SEZ6L: variants seen among roughly 807,000 people sequenced by gnomAD.
SEZ6L encodes seizure related 6 homolog like.
Under a neutral mutation model 106.2 loss-of-function variants are expected in SEZ6L, and 37 were observed. That is an observed-to-expected ratio of 0.35 (90% confidence interval 0.27 to 0.46). SEZ6L has a LOEUF of 0.46. SEZ6L is among the 20% of genes least tolerant of loss of function. The pLI is 1.00. For missense variants in SEZ6L, 1,172 were observed against 1,332.8 expected (o/e 0.88, Z 1.88); for synonymous variants, 541 against 570.4 (o/e 0.95, Z 0.73).
intron 12 of SEZ6L, among the ~76,000 whole-genome samples, chr22:26,363,879 G>A (rs2083718750): frequency 6.6e-6 from 1 of 152,182 alleles, no homozygotes; most frequent in Non-Finnish European, 1.5e-5. Context: ...TGAACCTTGA[G>A]GACATTATGC....
chr22:26,257,755 A>T (rs2079871392), intron 1 of SEZ6L, among the ~76,000 whole-genome samples: 1 of 152,158 alleles, frequency 6.6e-6, no homozygotes, highest in South Asian at 2.1e-4. Context: ...TTCTCCCTGC[A>T]GCCAGGTGTC....
intron 1 of SEZ6L, among the ~76,000 whole-genome samples, chr22:26,189,160 A>G (rs1940005890): frequency 6.6e-6 from 1 of 152,168 alleles, no homozygotes; most frequent in Non-Finnish European, 1.5e-5. Context: ...AGTACCTACT[A>G]TTTGCCCTCT....
chr22:26,175,436 C>A (rs534227590), intron 1 of SEZ6L, among the ~76,000 whole-genome samples: 1 of 152,188 alleles, frequency 6.6e-6, no homozygotes, highest in Non-Finnish European at 1.5e-5. Context: ...ATCCTTGGTG[C>A]CTTCCAAGCT....
At chr22:26,375,870 C>A (rs930526704) in intron 15 of SEZ6L, among the ~76,000 whole-genome samples, 181 bp downstream of exon 15, 1 of 152,118 alleles carries the variant, frequency 6.6e-6, no homozygotes. Flanking sequence ...TTACATTGGG[C>A]AATTATGAAG....
intron 16 of SEZ6L, among the ~76,000 whole-genome samples, chr22:26,379,160 G>A (rs566933215): frequency 7.2e-5 from 11 of 152,250 alleles, no homozygotes; most frequent in African/African-American, 2.6e-4. Flanking sequence ...AATTTCTTGC[G>A]GGCTGTCTTC....
chr22:26,189,922 C>T (rs1484520775), intron 1 of SEZ6L, among the ~76,000 whole-genome samples: 2 of 151,924 alleles, frequency 1.3e-5, no homozygotes, highest in Non-Finnish European at 2.9e-5. Context: ...ATGGTGAAAC[C>T]CCATCTCTAC....
chr22:26,309,870 T>G (rs1410574898), intron 6 of SEZ6L, among the ~76,000 whole-genome samples: 1 of 152,082 alleles, frequency 6.6e-6, no homozygotes, highest in African/African-American at 2.4e-5. Context: ...TGAGCCACCA[T>G]GCCCCACACT....
At chr22:26,205,390 C>G (rs749662891) in intron 1 of SEZ6L, among the ~76,000 whole-genome samples, 2 of 152,242 alleles carry the variant, frequency 1.3e-5, no homozygotes, top group Non-Finnish European at 2.9e-5. Context: ...CTCCCCACTC[C>G]TCTTCTCCTC....
chr22:26,330,666 A>G (rs950655559), intron 9 of SEZ6L, among the ~76,000 whole-genome samples: 20 of 152,146 alleles, frequency 1.3e-4, no homozygotes, highest in African/African-American at 4.8e-4. Flanking sequence ...GAGAAACTGG[A>G]CTTTAGTCTG....
chr22:26,299,243 A>C (rs2081384188), intron 5 of SEZ6L, 74 bp downstream of exon 5: 1 of 1,207,150 alleles, frequency 8.3e-7, no homozygotes, highest in Non-Finnish European at 1.1e-6. Flanking sequence ...TAGGACACCG[A>C]GAGTGACCTC....
At chr22:26,223,737 C>T (rs1298143178) in intron 1 of SEZ6L, among the ~76,000 whole-genome samples, 2 of 152,118 alleles carry the variant, frequency 1.3e-5, no homozygotes, top group African/African-American at 2.4e-5. Flanking sequence ...TTGTATGGTG[C>T]CTGGTACATG....
At chr22:26,228,678 C>T (rs960432255) in intron 1 of SEZ6L, among the ~76,000 whole-genome samples, 9 of 152,150 alleles carry the variant, frequency 5.9e-5, no homozygotes, top group African/African-American at 1.9e-4. Flanking sequence ...TGGGGGCTTG[C>T]TTAGAGCAAA....
At chr22:26,277,066 G>A (rs1051218095) in intron 1 of SEZ6L, among the ~76,000 whole-genome samples, 1 of 151,050 alleles carries the variant, frequency 6.6e-6, no homozygotes. Flanking sequence ...CACAGAAGAC[G>A]ATTATCCGAT....
At chr22:26,226,298 T>A (rs563191788) in intron 1 of SEZ6L, among the ~76,000 whole-genome samples, 2 of 152,372 alleles carry the variant, frequency 1.3e-5, no homozygotes, top group South Asian at 4.1e-4. Context: ...TGTGATCCAC[T>A]GTTCCCAGCA....
At chr22:26,350,794 G>T (rs534011401) in intron 11 of SEZ6L, among the ~76,000 whole-genome samples, 1 of 151,778 alleles carries the variant, frequency 6.6e-6, no homozygotes, top group Non-Finnish European at 1.5e-5. Context: ...GTAGCTGGGA[G>T]TACAGGCGCC....
chr22:26,205,060 C>T (rs903404652), intron 1 of SEZ6L, among the ~76,000 whole-genome samples: 2 of 152,190 alleles, frequency 1.3e-5, no homozygotes. Flanking sequence ...CTTGTTTTCC[C>T]ATTCATTATT....
chr22:26,376,905 C>G (rs2084246251), intron 15 of SEZ6L, among the ~76,000 whole-genome samples: 1 of 152,098 alleles, frequency 6.6e-6, no homozygotes, highest in South Asian at 2.1e-4. Context: ...AGTAAATACA[C>G]AAATAAATTA....
At chr22:26,336,296 C>T (rs1298281235) in intron 9 of SEZ6L, among the ~76,000 whole-genome samples, 1 of 152,136 alleles carries the variant, frequency 6.6e-6, no homozygotes, top group Non-Finnish European at 1.5e-5. Flanking sequence ...GCTCCTTCTC[C>T]CTATGGATGT....
chr22:26,321,107 C>T (rs2082140835), intron 9 of SEZ6L, among the ~76,000 whole-genome samples: 1 of 152,216 alleles, frequency 6.6e-6, no homozygotes, highest in African/African-American at 2.4e-5. Context: ...TCTTAATTGT[C>T]CATGATATTT....
Sources: allele counts gnomAD v4.1 joint callset (sites outside exome capture counted in the v4.1 genomes callset), GRCh38; gene constraint gnomAD v4.1.1; transcripts MANE v1.5; gene names NCBI Gene and HGNC (gene_info 2026-07-23, HGNC 2026-07-21).